TTN: variants seen among roughly 807,000 people sequenced by gnomAD.
TTN encodes titin.
A neutral mutation model predicts 3,223.0 loss-of-function variants in TTN; 1,525 were observed. That is an observed-to-expected ratio of 0.47 (90% CI 0.45 to 0.49). The LOEUF is 0.49. Among genes scored for constraint, TTN ranks in the 20% least tolerant of loss-of-function variants. The pLI, the probability that TTN is intolerant of heterozygous loss-of-function variation, is 0.00. For synonymous variants in TTN, 14,094 were observed against 15,161.0 expected (o/e 0.93, Z 5.17); for missense variants, 40,786 against 43,424.0 (o/e 0.94, Z 5.40).
rs770248490 is a variant in TTN at position 178,636,796 on chromosome 2, A to G, written c.40931T>C (p.Val13644Ala). Residue 13644 changes from valine (V) to alanine (A), a missense_variant, in exon 225 of 363, where the codon GTA becomes GCA. Coordinates refer to ENST00000589042, the MANE Select transcript of TTN (RefSeq NM_001267550.2). The surrounding 1 kb of genome is among the most constrained non-coding windows in gnomAD (Gnocchi z 4.3). ...AAKPKGPIKGVPKKTPSPIEA... is the reference protein window; with the variant it reads ...AAKPKGPIKGAPKKTPSPIEA... ...TATTGGTGAAGGAGTCTTTTTGGGT[A>G]CACCTAATTCAAAGTAAAATAAAAA... The G allele has an allele frequency of 3.2e-6, 5 of 1,581,104 alleles. No homozygotes were observed. The highest frequency in any genetic ancestry group is 4.3e-6 in the Non-Finnish European group (5 of 1,164,310).
intron 282 of TTN, among the ~76,000 whole-genome samples, chr2:178,603,240 A>T (rs2053918311): frequency 6.6e-6 from 1 of 152,040 alleles, no homozygotes; most frequent in African/African-American, 2.4e-5. Context: ...TATATGCTCC[A>T]CATAGCACTT....
Position 178,526,856 on chromosome 2 carries a change from A to T in TTN, c.*156T>A. 1.6e-6 allele frequency: 1 copy of T among 643,124 alleles called. No homozygotes were observed. 39.8% of individuals were successfully genotyped at this position (643,124 alleles called of 1,614,324 possible). ...TTATATTCTTAGGTCAACAATTATG[A>T]AAAGATTGAAATGAATATTTTTGAA... is the stretch of plus-strand genomic sequence containing the variant. On this transcript the variant is annotated 3_prime_UTR_variant, in exon 363 of 363. Transcript: ENST00000589042.
At position 178,736,020 on chromosome 2, in the gene TTN, C is replaced by T. The variant is rs757553783; in HGVS notation, c.14426G>A (p.Gly4809Asp). The T allele has an allele frequency of 3.1e-6, 5 of 1,611,738 alleles. No individual in the cohort carries two copies. The highest frequency in any genetic ancestry group is 4.2e-6 in the Non-Finnish European group (5 of 1,178,546). Residue 4809 changes from glycine (G) to aspartate (D), a missense_variant, in exon 50 of 363, where the codon GGT becomes GAT. Gly to Asp is a moderately conservative substitution (Grantham distance 94). Coordinates refer to ENST00000589042, the MANE Select transcript of TTN (RefSeq NM_001267550.2). ...TGTGCAGATGAACTTGGCTGCCTTACCCACAAAAGTTGTAAGGGACTTAGG... is the reference window on the plus strand; with the variant it reads ...TGTGCAGATGAACTTGGCTGCCTTATCCACAAAAGTTGTAAGGGACTTAGG... Reference protein sequence around the residue: ...SRPKSLTTFVGKAAKFICTVT... With the variant: ...SRPKSLTTFVDKAAKFICTVT...
Position 178,585,282 on chromosome 2 carries a change from C to T in TTN, c.64462G>A (p.Ala21488Thr), listed in dbSNP as rs374992146. 1 of 1,612,146 alleles carries T rather than the reference C, an allele frequency of 6.2e-7. No homozygotes were observed. Among genetic ancestry groups the T allele is most frequent in the South Asian group, 1.1e-5 (1 of 90,748 alleles). The change falls in exon 309 of 363, where the codon GCC (alanine) becomes ACC (threonine). Residue 21488 changes from alanine (A) to threonine (T), a missense_variant. Ala to Thr is a moderately conservative substitution (Grantham distance 58). Transcript: ENST00000589042. ...GGATGAGGCTTTCCATACACATGGG[C>T]TTCAATTCGGAGTTTTTTCCCAGCT... ...IKAGKKLRIE[A>T]HVYGKPHPTC...
intron 250 of TTN, chr2:178,619,362 C>G (rs558303949): frequency 9.6e-6 from 5 of 522,966 alleles, no homozygotes; most frequent in Admixed American, 3.7e-5. Flanking sequence ...AGGGTGATAG[C>G]TTAGTTGTAG....
intron 47 of TTN, chr2:178,750,068 GTAGCTGCTGTTACC>G: frequency 6.2e-7 from 1 of 1,613,222 alleles, no homozygotes; most frequent in South Asian, 1.1e-5. Flanking sequence ...TGGGATAGGA[GTAGCTGCTGTTACC>G]TGAATTTCTA....
chr2:178,630,279 G>A lies in TTN; in HGVS notation c.44243C>T (p.Ala14748Val). 1 of 1,613,136 alleles carries A rather than the reference G, an allele frequency of 6.2e-7. No individual in the cohort carries two copies. The highest frequency in any genetic ancestry group is 1.1e-5 in the South Asian group (1 of 91,058). Residue 14748 changes from alanine (A) to valine (V), a missense_variant, in exon 239 of 363, where the codon GCT (alanine) becomes GTT (valine). Physicochemically the swap from Ala to Val is moderately conservative, Grantham distance 64. Coordinates refer to ENST00000589042, the MANE Select transcript of TTN (RefSeq NM_001267550.2). ...LDQTGGVDFQ[A>V]ANVKSSAHLR... ...GTGGGCACTAGATTTAACATTGGCA[G>A]CTTGGAAATCCACCCCACCCGTCTG...
chr2:178,674,120 G>A (rs988118026), intron 151 of TTN, among the ~76,000 whole-genome samples, 194 bp downstream of exon 151: 1 of 151,684 alleles, frequency 6.6e-6, no homozygotes, highest in Non-Finnish European at 1.5e-5. Flanking sequence ...CTCATTCTTA[G>A]TTGTATTGCA....
rs1456463829 is a variant in TTN at position 178,613,771 on chromosome 2, T to C, written c.49512A>G (p.Pro16504=). The change falls in exon 263 of 363, where the codon CCA becomes CCG. Residue 16504 remains proline (P), a synonymous_variant. Transcript: ENST00000589042. ...TDKWVRCNKM[P]VKDTTYRVKG... is the part of the protein sequence containing the mutation. ...CATACCTGTATGTTGTGTCCTTTAC[T>C]GGCATCTTATTGCATCTAACCCATT... is the stretch of plus-strand genomic sequence containing the variant. The C allele has an allele frequency of 6.2e-7, 1 of 1,612,482 alleles. No individual in the cohort carries two copies. Among genetic ancestry groups the C allele is most frequent in the Admixed American group, 1.7e-5 (1 of 59,966 alleles).
chr2:178,665,545 T>C (rs968008615), intron 164 of TTN, 85 bp from the exon 165 acceptor site: 1 of 1,458,174 alleles, frequency 6.9e-7, no homozygotes, highest in African/African-American at 1.4e-5. Context: ...GTGATATTTA[T>C]GGCTAAAAAG....
At position 178,568,203 on chromosome 2, in the gene TTN, A is replaced by G. The variant is rs1706686677; in HGVS notation, c.77929T>C (p.Leu25977=). The part of the protein sequence containing the change: ...AENRYGQSFA[L]ESDPIVAQYP... ...TGAGCTACAATTGGATCAGACTCTA[A>G]GGCAAAGCTTTGTCCATATCTGTTT... is the stretch of plus-strand genomic sequence containing the variant. Residue 25977 remains leucine (L), a synonymous_variant, in exon 326 of 363, where the codon TTA becomes CTA. Coordinates refer to ENST00000589042, the MANE Select transcript of TTN (RefSeq NM_001267550.2). The G allele has an allele frequency of 6.2e-7, 1 of 1,613,536 alleles. No homozygotes were observed.
Position 178,528,694 on chromosome 2 carries a change from A to C in TTN, c.107057T>G (p.Val35686Gly). 6.2e-7 allele frequency: 1 copy of C among 1,613,506 alleles called. No individual in the cohort carries two copies. Among genetic ancestry groups the C allele is most frequent in the African/African-American group, 1.3e-5 (1 of 75,014 alleles). Reference protein sequence around the residue: ...TCISKTKEGIVKCQYDLTLSK... With the variant: ...TCISKTKEGIGKCQYDLTLSK... Reference sequence around the variant, plus strand: ...CAGTGTCAAATCATACTGACACTTGACGATTCCTTCCTTGGTTTTGCTTAT... The same window carrying C: ...CAGTGTCAAATCATACTGACACTTGCCGATTCCTTCCTTGGTTTTGCTTAT... Residue 35686 changes from valine to glycine, a missense_variant, in exon 360 of 363, where the codon GTC becomes GGC. By Grantham distance (109) the Val-to-Gly change is moderately radical. Coordinates refer to ENST00000589042, the MANE Select transcript of TTN (RefSeq NM_001267550.2).
At chr2:178,736,185 C>T in intron 49 of TTN, 111 bp from the exon 50 acceptor site, 1 of 975,840 alleles carries the variant, frequency 1.0e-6, no homozygotes, top group Non-Finnish European at 1.5e-6. Flanking sequence ...TAGACATGAG[C>T]CATAATTTAA....
chr2:178,758,308 T>A (rs2087927410), intron 44 of TTN, among the ~76,000 whole-genome samples: 1 of 152,256 alleles, frequency 6.6e-6, no homozygotes, highest in Admixed American at 6.5e-5. Flanking sequence ...ATAGTTTCTC[T>A]AAATCCTTAT....
chr2:178,571,862 T>C lies in TTN; in HGVS notation c.74270A>G (p.Lys24757Arg). 1 of 1,613,588 alleles carries C rather than the reference T, an allele frequency of 6.2e-7. No individual in the cohort carries two copies. Among genetic ancestry groups the C allele is most frequent in the Non-Finnish European group, 8.5e-7 (1 of 1,179,622 alleles). ...CTCTGCATTTACTCTAGTTGTCTGC[T>C]TCAGTGGTACATTATCTTTATGCCA... ...VTWHKDNVPL[K>R]QTTRVNAEST... The change falls in exon 326 of 363, where the codon AAG becomes AGG. Residue 24757 changes from lysine (K) to arginine (R), a missense_variant. Transcript: ENST00000589042.
chr2:178,678,239 T>C (rs761641219), intron 144 of TTN, 31 bp from the exon 145 acceptor site: 3 of 1,578,060 alleles, frequency 1.9e-6, no homozygotes, highest in Non-Finnish European at 2.6e-6. Flanking sequence ...TTTAGGAATA[T>C]GTTCTTTTAA....
intron 6 of TTN, among the ~76,000 whole-genome samples, chr2:178,796,163 C>T (rs2093758056): frequency 6.6e-6 from 1 of 152,142 alleles, no homozygotes; most frequent in Non-Finnish European, 1.5e-5. Flanking sequence ...TATTTCTGAT[C>T]TATAGCAATA....
rs1456653211 is a variant in TTN at position 178,546,632 on chromosome 2, G to A, written c.94796C>T (p.Ser31599Phe). ...ATCTCGGCAAGTGACAGGGCCTGTA[G>A]ATTCAGACCCTTTGCTAATTACGCC... The part of the protein sequence containing the change: ...AAGVISKGSE[S>F]TGPVTCRDEY... Residue 31599 changes from serine to phenylalanine, a missense_variant, in exon 341 of 363, where the codon TCT becomes TTT. By Grantham distance (155) the Ser-to-Phe change is radical (BLOSUM62 -2). Transcript: ENST00000589042. 1 of 1,612,778 alleles carries A rather than the reference G, an allele frequency of 6.2e-7. No individual in the cohort carries two copies. Among genetic ancestry groups the A allele is most frequent in the Non-Finnish European group, 8.5e-7 (1 of 1,178,962 alleles).
rs772475209 is a variant in TTN, at chr2:178,632,932, T to C, written c.43199A>G (p.Asn14400Ser). The C allele has an allele frequency of 6.2e-7, 1 of 1,612,790 alleles. No individual in the cohort carries two copies. Among genetic ancestry groups the C allele is most frequent in the South Asian group, 1.1e-5 (1 of 90,872 alleles). Residue 14400 changes from asparagine to serine, a missense_variant, in exon 234 of 363, where the codon AAT (asparagine) becomes AGT (serine). Physicochemically the swap from Asn to Ser is conservative, Grantham distance 46. Coordinates refer to ENST00000589042, the MANE Select transcript of TTN (RefSeq NM_001267550.2). ...FQAANAKSAA[N>S]LKVKELPLIF... The stretch of plus-strand genomic sequence containing the variant: ...GTAGAGCATACCTTTCACTTTCAGA[T>C]TGGCTGCAGATTTGGCATTAGCAGC...
Sources: allele counts gnomAD v4.1 joint callset (sites outside exome capture counted in the v4.1 genomes callset), GRCh38; gene constraint gnomAD v4.1.1; non-coding constraint Gnocchi (gnomAD v3.1); transcripts MANE v1.5; gene names NCBI Gene and HGNC (gene_info 2026-07-23, HGNC 2026-07-21).